TMEM117: variants seen among roughly 807,000 people sequenced by gnomAD.
TMEM117 encodes the protein transmembrane protein 117.
TMEM117 carries 27 observed loss-of-function variants against 52.4 expected under a neutral mutation model. That is an observed-to-expected ratio of 0.51 (90% CI 0.38 to 0.71). The LOEUF (loss-of-function observed/expected upper bound fraction) is 0.71. TMEM117 is among the 30% of genes least tolerant of loss of function. The probability of loss-of-function intolerance (pLI) is 0.00; values close to 1 mark genes in which losing one functional copy is unlikely to be tolerated. For missense variants in TMEM117, 556 were observed against 630.5 expected (o/e 0.88, Z 1.26); for synonymous variants, 215 against 206.3 (o/e 1.04, Z -0.36).
chr12:43,838,771 T>C (rs1284690695), intron 1 of TMEM117, among the ~76,000 whole-genome samples: 1 of 151,892 alleles, frequency 6.6e-6, no homozygotes, highest in Non-Finnish European at 1.5e-5. Context: ...TAGTCGTGCC[T>C]GTTTCTGTCA....
At chr12:43,806,930 C>A in the TMEM117 span, among the ~76,000 whole-genome samples, 2 of 152,142 alleles carry the variant, frequency 1.3e-5, no homozygotes, top group African/African-American at 4.8e-5. Flanking sequence ...TTTGAGTATC[C>A]CTCTGTGGTC....
chr12:44,191,905 A>C (rs563662037), intron 4 of TMEM117, among the ~76,000 whole-genome samples: 1 of 152,314 alleles, frequency 6.6e-6, no homozygotes, highest in East Asian at 1.9e-4. Context: ...AAATGGGAAA[A>C]TATTTAATAA....
chr12:43,824,177 C>T, the TMEM117 span, among the ~76,000 whole-genome samples: 12 of 152,308 alleles, frequency 7.9e-5, no homozygotes, highest in African/African-American at 2.4e-4. Flanking sequence ...GCATGTCTAT[C>T]GAATTCTAAT....
intron 5 of TMEM117, among the ~76,000 whole-genome samples, chr12:44,262,206 A>T (rs1950328401): frequency 2.0e-5 from 3 of 152,132 alleles, no homozygotes; most frequent in South Asian, 4.1e-4. Context: ...AGTACCACAA[A>T]TTTTTCCATT....
intron 3 of TMEM117, among the ~76,000 whole-genome samples, chr12:44,024,921 G>A (rs1009331148): frequency 1.3e-5 from 2 of 152,100 alleles, no homozygotes; most frequent in African/African-American, 4.8e-5. Flanking sequence ...TACAGAGAGA[G>A]AGAGAGCGCC....
rs151298227 is a variant in TMEM117 at position 43,864,972 on chromosome 12, C to G, written c.277+20044C>G. On this transcript the variant is annotated intron_variant, in intron 2 of 7. Transcript: ENST00000266534. ...CGGGAGGAACGAACAATTCCAGACC[C>G]GCCACCTTAAGAGAGCTGTAACACT... Among the ~76,000 whole-genome samples the G allele has an allele frequency of 8.0e-3, 1,222 of 152,090 alleles. 16 individuals are homozygous for G. The highest frequency in any genetic ancestry group is 0.027 in the African/African-American group (1,120 of 41,478).
At chr12:44,033,447 G>A (rs1946663834) in intron 3 of TMEM117, among the ~76,000 whole-genome samples, 1 of 152,124 alleles carries the variant, frequency 6.6e-6, no homozygotes, top group Admixed American at 6.5e-5. Flanking sequence ...GATCAGGTGG[G>A]ACCCCTTTCC....
At chr12:44,181,294 T>G (rs1395142358) in intron 4 of TMEM117, among the ~76,000 whole-genome samples, 42 of 152,142 alleles carry the variant, frequency 2.8e-4, no homozygotes, top group African/African-American at 7.5e-4. Flanking sequence ...TTTCTCCCAT[T>G]CTGTAGGTTG....
At chr12:44,217,742 G>A (rs1949736326) in intron 5 of TMEM117, among the ~76,000 whole-genome samples, 1 of 152,112 alleles carries the variant, frequency 6.6e-6, no homozygotes, top group Non-Finnish European at 1.5e-5. Flanking sequence ...AAACCAAAGA[G>A]GAACCAATGT....
At chr12:43,833,907 A>G (rs142061291), upstream of TMEM117, among the ~76,000 whole-genome samples, 44 of 151,908 alleles carry the variant, frequency 2.9e-4, no homozygotes, top group Admixed American at 1.6e-3. Context: ...AGCCTGGACA[A>G]TGTGGCAAAA....
chr12:43,930,355 AT>A (rs1229495749), intron 2 of TMEM117, among the ~76,000 whole-genome samples: 2 of 151,570 alleles, frequency 1.3e-5, no homozygotes, highest in African/African-American at 4.9e-5. Context: ...GAGTTTCCTT[AT>A]TTTTTCTGGT....
chr12:44,068,655 T>C (rs1947257071), intron 3 of TMEM117, among the ~76,000 whole-genome samples: 2 of 152,240 alleles, frequency 1.3e-5, no homozygotes, highest in South Asian at 4.1e-4. Flanking sequence ...CCAAAATAAT[T>C]GCAAGAGTAA....
At chr12:44,059,245 T>C (rs1947103002) in intron 3 of TMEM117, among the ~76,000 whole-genome samples, 1 of 152,132 alleles carries the variant, frequency 6.6e-6, no homozygotes, top group Non-Finnish European at 1.5e-5. Flanking sequence ...TGATGTATGG[T>C]TTAGAAATAA....
intron 6 of TMEM117, among the ~76,000 whole-genome samples, chr12:44,311,145 T>C (rs1296908365): frequency 6.6e-6 from 1 of 151,898 alleles, no homozygotes; most frequent in African/African-American, 2.4e-5. Context: ...AAACTAAATA[T>C]ATTCTGGATA....
In TMEM117 at chr12:44,250,473, C is replaced by A. The variant is rs550649389; in HGVS notation, c.608+39086C>A. On this transcript the variant is annotated intron_variant, in intron 5 of 7. Coordinates refer to ENST00000266534, the MANE Select transcript of TMEM117 (RefSeq NM_032256.3). ...GAACCAGAAATACCATTTGACCCAG[C>A]AATCCCATTACTGGGTATATACCCA... 1.5e-3 allele frequency among the ~76,000 whole-genome samples: 225 copies of A among 152,286 alleles called. 2 individuals are homozygous for A. The highest frequency in any genetic ancestry group is 5.1e-3 in the African/African-American group (212 of 41,562).
chr12:44,119,115 G>A (rs934951272), intron 3 of TMEM117, among the ~76,000 whole-genome samples: 2 of 152,210 alleles, frequency 1.3e-5, no homozygotes, highest in East Asian at 3.8e-4. Flanking sequence ...TGAATGCAAT[G>A]TGTGCCAAGC....
At chr12:44,290,881 C>T (rs1950695427) in intron 5 of TMEM117, among the ~76,000 whole-genome samples, 1 of 152,188 alleles carries the variant, frequency 6.6e-6, no homozygotes, top group South Asian at 2.1e-4. Flanking sequence ...TCTCAAGATC[C>T]TCCTACCTTG....
intron 2 of TMEM117, among the ~76,000 whole-genome samples, chr12:43,859,802 C>T (rs1943459019): frequency 6.6e-6 from 1 of 152,162 alleles, no homozygotes; most frequent in Admixed American, 6.5e-5. Context: ...CTCCTATTCC[C>T]TGAGTCCATT....
At chr12:43,861,233 T>A (rs1400901159) in intron 2 of TMEM117, among the ~76,000 whole-genome samples, 2 of 152,148 alleles carry the variant, frequency 1.3e-5, no homozygotes, top group Admixed American at 1.3e-4. Context: ...AAGTTCTCAC[T>A]CTCAGATCCC....
Sources: allele counts gnomAD v4.1 joint callset (sites outside exome capture counted in the v4.1 genomes callset), GRCh38; gene constraint gnomAD v4.1.1; transcripts MANE v1.5; gene names NCBI Gene and HGNC (gene_info 2026-07-23, HGNC 2026-07-21).